WWP1: variants seen among roughly 807,000 people sequenced by gnomAD.
WWP1 encodes WW domain containing E3 ubiquitin protein ligase 1.
Under a neutral mutation model 130.6 loss-of-function variants are expected in WWP1, and 49 were observed. The observed-to-expected ratio is 0.38, with a 90% CI of 0.30 to 0.48. The LOEUF is 0.48. WWP1 is among the 20% of genes least tolerant of loss of function. The probability of loss-of-function intolerance (pLI) is 0.99; values close to 1 mark genes in which losing one functional copy is unlikely to be tolerated. For synonymous variants in WWP1, 332 were observed against 367.8 expected, an observed-to-expected ratio of 0.90 and a Z score of 1.11; for missense variants, 809 against 1,100.6, an observed-to-expected ratio of 0.74 and a Z score of 3.75.
chr8:86,402,388 C>T (rs554347635), intron 8 of WWP1, among the ~76,000 whole-genome samples, 185 bp downstream of exon 8: 45 of 152,240 alleles, frequency 3.0e-4, no homozygotes, highest in African/African-American at 9.6e-4. Context: ...TGGGTTCAAG[C>T]GATTCCCCTG....
At chr8:86,423,914 C>T (rs1809405126) in intron 9 of WWP1, among the ~76,000 whole-genome samples, 1 of 131,246 alleles carries the variant, frequency 7.6e-6, no homozygotes, top group East Asian at 2.4e-4. Context: ...CCCCACCTCC[C>T]TCCCAGATGG....
chr8:86,419,854 C>G (rs1013112313), intron 9 of WWP1, among the ~76,000 whole-genome samples: 4 of 152,132 alleles, frequency 2.6e-5, no homozygotes, highest in Non-Finnish European at 5.9e-5. Context: ...AAGCAGGTTT[C>G]ATAATAATCA....
At chr8:86,392,054 G>A (rs984679161) in intron 5 of WWP1, among the ~76,000 whole-genome samples, 1 of 152,126 alleles carries the variant, frequency 6.6e-6, no homozygotes, top group Non-Finnish European at 1.5e-5. Flanking sequence ...TCAGGCAGGT[G>A]CTTTAAGGGG....
chr8:86,459,585 TTAAA>T (rs1244692018), intron 22 of WWP1, among the ~76,000 whole-genome samples: 1 of 152,164 alleles, frequency 6.6e-6, no homozygotes, highest in African/African-American at 2.4e-5. Context: ...CTGATTTTCA[TTAAA>T]TAAAAGCCTT....
At chr8:86,360,877 A>T (rs544386871) in intron 1 of WWP1, among the ~76,000 whole-genome samples, 1 of 152,192 alleles carries the variant, frequency 6.6e-6, no homozygotes, top group African/African-American at 2.4e-5. Context: ...AAGAGATCAT[A>T]TATAAGTTGA....
At chr8:86,449,298 A>C (rs1385559302) in intron 20 of WWP1, among the ~76,000 whole-genome samples, 1 of 152,234 alleles carries the variant, frequency 6.6e-6, no homozygotes, top group Non-Finnish European at 1.5e-5. Flanking sequence ...TCCATTTGCC[A>C]GCCAGGTAAG....
chr8:86,423,823 C>A (rs1280306897), intron 9 of WWP1, among the ~76,000 whole-genome samples: 1 of 123,502 alleles, frequency 8.1e-6, no homozygotes, highest in African/African-American at 3.1e-5. Flanking sequence ...CCCCCCCCCA[C>A]CTCCCGGACG....
chr8:86,379,244 A>T (rs796831022), intron 3 of WWP1, among the ~76,000 whole-genome samples: 2 of 152,176 alleles, frequency 1.3e-5, no homozygotes, highest in Non-Finnish European at 2.9e-5. Flanking sequence ...ACGATGAAGG[A>T]TGGAAATGAG....
chr8:86,410,047 CAGT>C (rs944991905), intron 8 of WWP1, among the ~76,000 whole-genome samples: 14 of 152,146 alleles, frequency 9.2e-5, no homozygotes, highest in Non-Finnish European at 1.9e-4. Flanking sequence ...AATCTGCTAA[CAGT>C]AGATTTTCTA....
chr8:86,399,804 C>G (rs1301570010), intron 7 of WWP1, among the ~76,000 whole-genome samples: 2 of 152,120 alleles, frequency 1.3e-5, no homozygotes, highest in Non-Finnish European at 2.9e-5. Flanking sequence ...ATCACTGATT[C>G]TTGCTGGTTG....
intron 8 of WWP1, among the ~76,000 whole-genome samples, chr8:86,407,400 C>G (rs986010627): frequency 6.6e-6 from 1 of 152,124 alleles, no homozygotes; most frequent in Admixed American, 6.5e-5. Context: ...GACATATTGG[C>G]CCAGGTAATT....
chr8:86,446,234 G>A (rs1232816318), intron 18 of WWP1, among the ~76,000 whole-genome samples: 5 of 152,004 alleles, frequency 3.3e-5, no homozygotes, highest in Admixed American at 1.3e-4. Context: ...CGCCAACCTC[G>A]GCCTCCCCAA....
At chr8:86,414,054 A>G (rs911482302) in intron 9 of WWP1, among the ~76,000 whole-genome samples, 1 of 152,210 alleles carries the variant, frequency 6.6e-6, no homozygotes, top group Non-Finnish European at 1.5e-5. Flanking sequence ...TTTGTATTAG[A>G]ATTTTGCAGT....
chr8:86,457,445 A>G (rs1811516383), intron 21 of WWP1, among the ~76,000 whole-genome samples: 1 of 151,984 alleles, frequency 6.6e-6, no homozygotes, highest in African/African-American at 2.4e-5. Flanking sequence ...CTATCTATCT[A>G]TCTATCTATC....
intron 1 of WWP1, among the ~76,000 whole-genome samples, chr8:86,350,735 CT>C (rs1822873418): frequency 6.6e-6 from 1 of 152,148 alleles, no homozygotes; most frequent in Admixed American, 6.5e-5. Context: ...AAAACAAGTT[CT>C]TTTGATAGCT....
chr8:86,410,127 CTGT>C (rs1161275201), intron 8 of WWP1, among the ~76,000 whole-genome samples: 1 of 152,138 alleles, frequency 6.6e-6, no homozygotes, highest in Non-Finnish European at 1.5e-5. Context: ...TCTTCTTGTT[CTGT>C]TGTTGTTCAG....
At chr8:86,436,585 C>T (rs372477125) in intron 16 of WWP1, among the ~76,000 whole-genome samples, 3 of 152,110 alleles carry the variant, frequency 2.0e-5, no homozygotes, top group Admixed American at 6.6e-5. Context: ...CTGCCTAGTA[C>T]GTAGAATAGT....
chr8:86,386,150 G>T (rs10096101), intron 5 of WWP1, among the ~76,000 whole-genome samples: 40 of 152,162 alleles, frequency 2.6e-4, no homozygotes, highest in Non-Finnish European at 2.5e-4. Flanking sequence ...TGCTTTGCTG[G>T]GTCTCCTGTA....
intron 1 of WWP1, among the ~76,000 whole-genome samples, chr8:86,363,026 G>A (rs1823761443): frequency 1.3e-5 from 2 of 152,022 alleles, no homozygotes; most frequent in Non-Finnish European, 1.5e-5. Context: ...AATTCATAAA[G>A]TGCTTATATA....
Sources: allele counts gnomAD v4.1 joint callset (sites outside exome capture counted in the v4.1 genomes callset), GRCh38; gene constraint gnomAD v4.1.1; transcripts MANE v1.5; gene names NCBI Gene and HGNC (gene_info 2026-07-23, HGNC 2026-07-21).